Variants in HMGA2 observed in about 807,000 individuals in gnomAD.
HMGA2 encodes high mobility group AT-hook 2.
A neutral mutation model predicts 19.1 loss-of-function variants in HMGA2; 8 were observed. The observed-to-expected ratio is 0.42, with a 90% CI of 0.25 to 0.76. HMGA2 has a LOEUF of 0.76. Among genes scored for constraint, HMGA2 ranks in the 30% least tolerant of loss-of-function variants. HMGA2 has a pLI of 0.28. For missense variants in HMGA2, 109 were observed against 136.3 expected (o/e 0.80, Z 1.00); for synonymous variants, 60 against 48.8 (o/e 1.23, Z -0.96).
chr12:65,942,144 C>A lies in HMGA2; in HGVS notation c.250-9239C>A, dbSNP rs139369082. Among the ~76,000 whole-genome samples, 349 of 152,292 alleles carry A rather than the reference C, an allele frequency of 2.3e-3. 2 individuals are homozygous for A. Among genetic ancestry groups the A allele is most frequent in the Non-Finnish European group, 4.0e-3 (270 of 68,028 alleles). ...CATTTCCATTATTTCATAGATGCCT[C>A]CTTTTCATCTAATATTGAGCATTAA... On this transcript the variant is annotated intron_variant, in intron 3 of 4. Coordinates refer to ENST00000403681, the MANE Select transcript of HMGA2 (RefSeq NM_003483.6).
Position 65,825,254 on chromosome 12 carries a change from C to T in HMGA2, c.-17C>T. ...GGCGAAGCGGCTGCAGCGGCGGTAG[C>T]GGCGGCGGGAGGCAGGATGAGCGCA... On this transcript the variant is annotated 5_prime_UTR_variant, in exon 1 of 5. Transcript: ENST00000403681. The surrounding 1 kb of genome is among the most constrained non-coding windows in gnomAD (Gnocchi z 4.4). The T allele has an allele frequency of 6.6e-7, 1 of 1,522,616 alleles. No homozygotes were observed. Among genetic ancestry groups the T allele is most frequent in the South Asian group, 1.2e-5 (1 of 82,716 alleles). The allele number at this position is 1,522,616 out of a possible 1,614,324, so 94.3% of individuals were successfully genotyped here.
intron 3 of HMGA2, among the ~76,000 whole-genome samples, chr12:65,899,969 A>G (rs1427364728): frequency 2.6e-5 from 4 of 152,218 alleles, no homozygotes; most frequent in East Asian, 3.9e-4. Flanking sequence ...TAATAAAATC[A>G]AAAGAGGAGG....
At chr12:65,915,713 T>C (rs1242572372) in intron 3 of HMGA2, among the ~76,000 whole-genome samples, 1 of 152,344 alleles carries the variant, frequency 6.6e-6, no homozygotes, top group East Asian at 1.9e-4. Flanking sequence ...TTTGAATACC[T>C]ACCTTGACTT....
intron 3 of HMGA2, among the ~76,000 whole-genome samples, chr12:65,947,103 G>A (rs1876292905): frequency 6.6e-6 from 1 of 151,988 alleles, no homozygotes; most frequent in Non-Finnish European, 1.5e-5. Context: ...TCAACTCATG[G>A]GGTCTTTGAA....
At chr12:65,951,486 C>A in intron 4 of HMGA2, 71 bp downstream of exon 4, 1 of 937,168 alleles carries the variant, frequency 1.1e-6, no homozygotes, top group Non-Finnish European at 1.7e-6. Context: ...AAAATGTCCC[C>A]AAACTAAACC....
chr12:65,862,888 A>T (rs1050601073), intron 3 of HMGA2, among the ~76,000 whole-genome samples: 1 of 152,236 alleles, frequency 6.6e-6, no homozygotes, highest in African/African-American at 2.4e-5. Context: ...GAGATAATAT[A>T]GGTTGTCAAC....
At chr12:65,861,914 G>T (rs1051446285) in intron 3 of HMGA2, among the ~76,000 whole-genome samples, 2 of 149,690 alleles carry the variant, frequency 1.3e-5, no homozygotes, top group Non-Finnish European at 3.0e-5. Context: ...GCGCGATCTC[G>T]GCTCACTGCA....
rs1339122324 is a variant in HMGA2, at chr12:65,905,383, A to G, written c.250-46000A>G. ...TTTACGTGTTTATCAAGCTTCTTGT[A>G]TGGGATTCCATTGTATTTTGAAACC... On this transcript the variant is annotated intron_variant, in intron 3 of 4. Coordinates refer to ENST00000403681, the MANE Select transcript of HMGA2 (RefSeq NM_003483.6). Among the ~76,000 whole-genome samples, 3 of 152,204 alleles carry G rather than the reference A, an allele frequency of 2.0e-5. No homozygotes were observed. In the East Asian group the frequency reaches 5.8e-4, roughly 29 times the overall value.
intron 4 of HMGA2, chr12:65,958,798 T>C (rs1279016311): frequency 1.3e-5 from 2 of 152,098 alleles, no homozygotes; most frequent in Non-Finnish European, 2.9e-5. Context: ...ATTACGTATG[T>C]ATTTCTGGCC....
At chr12:65,876,206 G>A (rs1287139795) in intron 3 of HMGA2, among the ~76,000 whole-genome samples, 2 of 149,962 alleles carry the variant, frequency 1.3e-5, no homozygotes, top group Non-Finnish European at 2.9e-5. Flanking sequence ...AGTTAAATAT[G>A]TATTTAAGGC....
At chr12:65,913,997 G>A (rs1592441547) in intron 3 of HMGA2, among the ~76,000 whole-genome samples, 1 of 152,172 alleles carries the variant, frequency 6.6e-6, no homozygotes, top group Non-Finnish European at 1.5e-5. Flanking sequence ...TTTAAAAAAT[G>A]TTTTGGAGAG....
intron 3 of HMGA2, among the ~76,000 whole-genome samples, chr12:65,924,017 AC>A (rs1875417815): frequency 1.3e-5 from 2 of 152,124 alleles, no homozygotes; most frequent in African/African-American, 2.4e-5. Flanking sequence ...TCTCAAAAAA[AC>A]AAAACAAAAC....
intron 3 of HMGA2, among the ~76,000 whole-genome samples, chr12:65,868,676 G>A (rs1487335598): frequency 6.6e-6 from 1 of 152,154 alleles, no homozygotes; most frequent in African/African-American, 2.4e-5. Context: ...TTAAAGGATG[G>A]TTTGTGGAAT....
intron 3 of HMGA2, among the ~76,000 whole-genome samples, chr12:65,844,248 G>A (rs1435482195): frequency 2.0e-5 from 3 of 151,992 alleles, no homozygotes; most frequent in Non-Finnish European, 4.4e-5. Context: ...ATTATCACGT[G>A]CTTTAAAAAA....
At chr12:65,947,141 G>A (rs528236375) in intron 3 of HMGA2, among the ~76,000 whole-genome samples, 1 of 150,458 alleles carries the variant, frequency 6.6e-6, no homozygotes, top group African/African-American at 2.4e-5. Context: ...TTTTTTTGAG[G>A]CAGAGTCTTG....
At chr12:65,881,545 T>C in intron 3 of HMGA2, 1 of 589,204 alleles carries the variant, frequency 1.7e-6, no homozygotes, top group Non-Finnish European at 3.0e-6. Flanking sequence ...AATCCTCCTG[T>C]GTGCTACCAA....
intron 3 of HMGA2, among the ~76,000 whole-genome samples, chr12:65,891,831 G>T (rs1162271275): frequency 6.6e-6 from 1 of 152,188 alleles, no homozygotes; most frequent in Non-Finnish European, 1.5e-5. Context: ...CATTTCTCAG[G>T]AGTATTAAAT....
intron 3 of HMGA2, among the ~76,000 whole-genome samples, chr12:65,893,723 G>A (rs1470238260): frequency 6.6e-6 from 1 of 152,188 alleles, no homozygotes; most frequent in Non-Finnish European, 1.5e-5. Context: ...AAGCAATGAA[G>A]TTGCAAAGTT....
At chr12:65,838,147 A>G (rs1027679015) in intron 2 of HMGA2, among the ~76,000 whole-genome samples, 1 of 152,190 alleles carries the variant, frequency 6.6e-6, no homozygotes, top group Admixed American at 6.5e-5. Flanking sequence ...AGAAATATTA[A>G]TTTTCTAAAA....
Sources: allele counts gnomAD v4.1 joint callset (sites outside exome capture counted in the v4.1 genomes callset), GRCh38; gene constraint gnomAD v4.1.1; non-coding constraint Gnocchi (gnomAD v3.1); transcripts MANE v1.5; gene names NCBI Gene and HGNC (gene_info 2026-07-23, HGNC 2026-07-21).